IGFBP1: variants seen among roughly 807,000 people sequenced by gnomAD.
IGFBP1 encodes the protein insulin-like growth factor-binding protein 1.
IGFBP1 carries 31 observed loss-of-function variants against 23.1 expected under a neutral mutation model. The ratio of observed to expected loss-of-function variants is 1.34; its 90% CI spans 1.01 to 1.81. The LOEUF (loss-of-function observed/expected upper bound fraction) is 1.81, where lower values mean the gene tolerates loss of function less well. Among genes scored for constraint, IGFBP1 ranks in the 40% most tolerant of loss-of-function variants. IGFBP1 has a pLI of 0.00. For missense variants in IGFBP1, 333 were observed against 342.2 expected, an observed-to-expected ratio of 0.97 and a Z score of 0.21; for synonymous variants, 148 against 145.5, an observed-to-expected ratio of 1.02 and a Z score of -0.13.
chr7:45,891,913 T>G lies in IGFBP1; in HGVS notation c.520-19T>G. The G allele has an allele frequency of 6.2e-7, 1 of 1,604,448 alleles. No individual in the cohort carries two copies. Among genetic ancestry groups the G allele is most frequent in the Non-Finnish European group, 8.5e-7 (1 of 1,174,790 alleles). On this transcript the variant is annotated intron_variant, in intron 2 of 3. Transcript: ENST00000275525. ...CACTGTGTCTTGTTAGATATGCTAATGTCAAGTTATTCTCTTAGGAGCCCT... is the reference window on the plus strand; with the variant it reads ...CACTGTGTCTTGTTAGATATGCTAAGGTCAAGTTATTCTCTTAGGAGCCCT...
In IGFBP1 at chr7:45,893,532, G is replaced by A. The variant is rs1463938463; in HGVS notation, c.*441G>A. On this transcript the variant is annotated 3_prime_UTR_variant, in exon 4 of 4. Transcript: ENST00000275525. ...CATTTGATGTACATGTGTAGGGAAA[G>A]TTAAAAGTGTTGATTACATAATCAA... The A allele has an allele frequency of 1.3e-5, 2 of 152,270 alleles. No individual in the cohort carries two copies. Among genetic ancestry groups the A allele is most frequent in the East Asian group, 3.8e-4 (2 of 5,202 alleles). The allele number at this position is 152,270 out of a possible 1,614,324, so 9.4% of individuals were successfully genotyped here. A position where few individuals can be genotyped will look rare whatever the true frequency, so the allele number is the denominator to read the frequency against.
rs1445871042 is a variant in IGFBP1, at chr7:45,888,609, C to A, written c.-44C>A. The A allele has an allele frequency of 1.3e-6, 2 of 1,527,830 alleles. No homozygotes were observed. Among genetic ancestry groups the A allele is most frequent in the Non-Finnish European group, 8.8e-7 (1 of 1,130,678 alleles). The allele number at this position is 1,527,830 out of a possible 1,614,324, so 94.6% of individuals were successfully genotyped here. ...AGTTTGGGCCACCGCCCGCCGCCAC[C>A]AGCCCAGAGAGCATCGGCCCCTGTC... On this transcript the variant is annotated 5_prime_UTR_variant, in exon 1 of 4. Coordinates refer to ENST00000275525, the MANE Select transcript of IGFBP1 (RefSeq NM_000596.4).
chr7:45,893,070 A>G lies in IGFBP1; in HGVS notation c.759A>G (p.Ile253Met), dbSNP rs4619. ...PEIRGDPNCQ[I>M]YFNVQN ...TCAGGGGAGACCCCAACTGCCAGAT[A>G]TATTTTAATGTACAAAACTGAAACC... is the stretch of plus-strand genomic sequence containing the variant. Residue 253 changes from isoleucine to methionine, a missense_variant, in exon 4 of 4, where the codon ATA becomes ATG. Ile to Met is a conservative substitution (Grantham distance 10, BLOSUM62 1). Transcript: ENST00000275525. 0.36 allele frequency: 572,945 copies of G among 1,604,560 alleles called. 105,432 individuals carry two copies. The highest frequency in any genetic ancestry group is 0.49 in the East Asian group (21,810 of 44,788).
chr7:45,888,696 T>C lies in IGFBP1; in HGVS notation c.44T>C (p.Leu15Pro). The C allele has an allele frequency of 6.3e-7, 1 of 1,597,992 alleles. No individual in the cohort carries two copies. The highest frequency in any genetic ancestry group is 1.3e-5 in the African/African-American group (1 of 74,958). Residue 15 changes from leucine to proline, a missense_variant, in exon 1 of 4, where the codon CTG becomes CCG. By Grantham distance (98) the Leu-to-Pro change is moderately conservative. Coordinates refer to ENST00000275525, the MANE Select transcript of IGFBP1 (RefSeq NM_000596.4). ...GCTCGCGTCTGGCTGGTACTGCTCC[T>C]GCTGACTGTCCAGGTCGGCGTGACA... ...PVARVWLVLL[L>P]LTVQVGVTAG...
At position 45,890,580 on chromosome 7, in the gene IGFBP1, G is replaced by A; in HGVS notation, c.382G>A (p.Glu128Lys). 1.9e-6 allele frequency: 3 copies of A among 1,613,434 alleles called. No homozygotes were observed. The highest frequency in any genetic ancestry group is 2.2e-5 in the East Asian group (1 of 44,816). Residue 128 changes from glutamate (E) to lysine (K), a missense_variant, in exon 2 of 4, where the codon GAG becomes AAG. Physicochemically the swap from Glu to Lys is moderately conservative, Grantham distance 56. Coordinates refer to ENST00000275525, the MANE Select transcript of IGFBP1 (RefSeq NM_000596.4). ...AGSPESPESTEITEEELLDNF... is the reference protein window; with the variant it reads ...AGSPESPESTKITEEELLDNF... Reference sequence around the variant, plus strand: ...GAGCCCTGAAAGCCCAGAGAGCACGGAGATAACTGAGGAGGAGCTCCTGGA... The same window carrying A: ...GAGCCCTGAAAGCCCAGAGAGCACGAAGATAACTGAGGAGGAGCTCCTGGA...
intron 3 of IGFBP1, 64 bp downstream of exon 3, chr7:45,892,124 A>C: frequency 6.4e-7 from 1 of 1,563,930 alleles, no homozygotes; most frequent in Non-Finnish European, 8.7e-7. Flanking sequence ...ATTCCTGCCA[A>C]GCCACGGTCA....
Position 45,892,012 on chromosome 7 carries a change from A to G in IGFBP1, c.600A>G (p.Lys200=), listed in dbSNP as rs1388929505. 1.2e-6 allele frequency: 2 copies of G among 1,614,068 alleles called. No homozygotes were observed. Among genetic ancestry groups the G allele is most frequent in the African/African-American group, 2.7e-5 (2 of 74,934 alleles). Residue 200 remains lysine (K), a synonymous_variant, in exon 3 of 4, where the codon AAA becomes AAG. Transcript: ENST00000275525. ...AGACATCAGGAGAAGAAATTTCCAA[A>G]TTTTACCTGCCAAACTGCAACAAGA... The part of the protein sequence containing the change: ...AQETSGEEIS[K]FYLPNCNKNG...
At chr7:45,891,620 G>A (rs983100520) in intron 2 of IGFBP1, among the ~76,000 whole-genome samples, 2 of 152,222 alleles carry the variant, frequency 1.3e-5, no homozygotes, top group African/African-American at 4.8e-5. Context: ...TAGGTGGCAG[G>A]AAGAGTTGGG....
Position 45,890,658 on chromosome 7 carries a change from G to A in IGFBP1, c.460G>A (p.Ala154Thr), listed in dbSNP as rs566229997. Residue 154 changes from alanine (A) to threonine (T), a missense_variant, in exon 2 of 4, where the codon GCC (alanine) becomes ACC (threonine). Physicochemically the swap from Ala to Thr is moderately conservative, Grantham distance 58. Transcript: ENST00000275525. ...SEEDHSILWDAISTYDGSKAL... is the reference protein window; with the variant it reads ...SEEDHSILWDTISTYDGSKAL... ...AGAGGATCATTCCATCCTTTGGGAC[G>A]CCATCAGTACCTATGATGGCTCGAA... The A allele has an allele frequency of 6.8e-6, 11 of 1,613,470 alleles. No homozygotes were observed. Among genetic ancestry groups the A allele is most frequent in the South Asian group, 2.2e-5 (2 of 91,034 alleles).
At position 45,888,590 on chromosome 7, in the gene IGFBP1, G is replaced by T; in HGVS notation, c.-63G>T. 1 of 1,439,386 alleles carries T rather than the reference G, an allele frequency of 6.9e-7. No homozygotes were observed. Among genetic ancestry groups the T allele is most frequent in the Non-Finnish European group, 9.5e-7 (1 of 1,057,318 alleles). 89.2% of individuals were successfully genotyped at this position (1,439,386 alleles called of 1,614,324 possible). A position where few individuals can be genotyped will look rare whatever the true frequency, so the allele number is the denominator to read the frequency against. ...TCCACCATCACTTGCCCAGAGTTTG[G>T]GCCACCGCCCGCCGCCACCAGCCCA... On this transcript the variant is annotated 5_prime_UTR_variant, in exon 1 of 4. Transcript: ENST00000275525.
At chr7:45,890,489 G>A (rs1787060488) in intron 1 of IGFBP1, 59 bp from the exon 2 acceptor site, 1 of 1,520,498 alleles carries the variant, frequency 6.6e-7, no homozygotes. Context: ...TCTCCTGGGG[G>A]CCCGAAAGGG....
chr7:45,889,690 C>T (rs994337450), intron 1 of IGFBP1, among the ~76,000 whole-genome samples: 4 of 152,164 alleles, frequency 2.6e-5, no homozygotes, highest in African/African-American at 9.7e-5. Context: ...GGAGGAAATG[C>T]CTCTTTCTCT....
chr7:45,892,900 G>GCTCTACTTTCC, intron 3 of IGFBP1, 60 bp from the exon 4 acceptor site: 1 of 1,563,692 alleles, frequency 6.4e-7, no homozygotes, highest in South Asian at 1.1e-5. Context: ...GCCAGCTATG[G>GCTCTACTTTCC]CTCTACTTTC....
intron 1 of IGFBP1, among the ~76,000 whole-genome samples, chr7:45,890,189 C>T (rs546689531): frequency 6.6e-6 from 1 of 152,288 alleles, no homozygotes; most frequent in South Asian, 2.1e-4. Context: ...TCGAGGCTCC[C>T]TACTAATGCG....
intron 3 of IGFBP1, among the ~76,000 whole-genome samples, chr7:45,892,515 T>A (rs1274772744): frequency 6.6e-6 from 1 of 152,180 alleles, no homozygotes; most frequent in Non-Finnish European, 1.5e-5. Context: ...TGCCAGATAA[T>A]AAATGAGATC....
At chr7:45,889,885 T>C (rs9658203) in intron 1 of IGFBP1, among the ~76,000 whole-genome samples, 56 of 152,014 alleles carry the variant, frequency 3.7e-4, no homozygotes, top group African/African-American at 1.3e-3. Flanking sequence ...TGAAAGGGAG[T>C]CGTCTCACTG....
chr7:45,892,952 C>G lies in IGFBP1; in HGVS notation c.649-8C>G. On this transcript the variant is annotated splice_polypyrimidine_tract_variant and splice_region_variant and intron_variant, in intron 3 of 3. Transcript: ENST00000275525. Reference sequence around the variant, plus strand: ...CTGCTGCTCTTGACCTTGGTCTTGTCTTTGCAGTGTGAGACATCCATGGAT... The same window carrying G: ...CTGCTGCTCTTGACCTTGGTCTTGTGTTTGCAGTGTGAGACATCCATGGAT... 2 of 1,611,010 alleles carry G rather than the reference C, an allele frequency of 1.2e-6. No homozygotes were observed. The highest frequency in any genetic ancestry group is 1.7e-6 in the Non-Finnish European group (2 of 1,178,392).
chr7:45,893,259 A>G lies in IGFBP1; in HGVS notation c.*168A>G, dbSNP rs904838949. 7.4e-6 allele frequency: 2 copies of G among 270,662 alleles called. No individual in the cohort carries two copies. The highest frequency in any genetic ancestry group is 4.5e-5 in the African/African-American group (2 of 44,516). The allele number at this position is 270,662 out of a possible 1,614,324, so 16.8% of individuals were successfully genotyped here. Reference sequence around the variant, plus strand: ...GAAAGCTGTTTATTTATTCACTGTAAGTTTATTTTTTCTACACAGTAAAAA... The same window carrying G: ...GAAAGCTGTTTATTTATTCACTGTAGGTTTATTTTTTCTACACAGTAAAAA... On this transcript the variant is annotated 3_prime_UTR_variant, in exon 4 of 4. Coordinates refer to ENST00000275525, the MANE Select transcript of IGFBP1 (RefSeq NM_000596.4).
chr7:45,892,412 C>G (rs1787093158), intron 3 of IGFBP1, among the ~76,000 whole-genome samples: 1 of 152,234 alleles, frequency 6.6e-6, no homozygotes, highest in East Asian at 1.9e-4. Flanking sequence ...AGGGAACAAA[C>G]TTAACTTAGA....
Sources: gnomAD v4.1 joint callset for allele counts (sites outside exome capture counted in the v4.1 genomes callset) on GRCh38, gnomAD v4.1.1 for gene constraint, MANE v1.5 for transcripts, NCBI Gene and HGNC (gene_info 2026-07-23, HGNC 2026-07-21) for gene names.